Variants in CEP192 observed in about 807,000 individuals in gnomAD.
CEP192 encodes centrosomal protein 192, also known as centrosomal protein of 192 kDa.
In CEP192, 151 loss-of-function variants were observed where a neutral mutation model predicts 271.8. The ratio of observed to expected loss-of-function variants is 0.56; its 90% CI spans 0.49 to 0.64. The LOEUF (loss-of-function observed/expected upper bound fraction) is 0.64. Among genes scored for constraint, CEP192 ranks in the 30% least tolerant of loss-of-function variants. The pLI is 0.00. For synonymous variants in CEP192, 995 were observed against 1,076.5 expected, an observed-to-expected ratio of 0.92 and a Z score of 1.48; for missense variants, 2,910 against 3,020.5, an observed-to-expected ratio of 0.96 and a Z score of 0.86.
Position 13,068,992 on chromosome 18 carries a change from G to A in CEP192, c.4962+1G>A, listed in dbSNP as rs368116939. ...GATCCATGCTCCCAGGGACTTGCAGGTAGCCTCAGTCCTCCTTTCTGCCGT... is the reference window on the plus strand; with the variant it reads ...GATCCATGCTCCCAGGGACTTGCAGATAGCCTCAGTCCTCCTTTCTGCCGT... On this transcript the variant is annotated splice_donor_variant, in intron 25 of 44. Coordinates refer to ENST00000506447, the MANE Select transcript of CEP192 (RefSeq NM_032142.4). LOFTEE classifies it high-confidence loss of function. 1.2e-6 allele frequency: 2 copies of A among 1,614,046 alleles called. No individual in the cohort carries two copies. The highest frequency in any genetic ancestry group is 1.7e-6 in the Non-Finnish European group (2 of 1,180,032).
intron 44 of CEP192, among the ~76,000 whole-genome samples, chr18:13,124,156 G>A (rs566714467): frequency 1.3e-3 from 189 of 150,744 alleles, no homozygotes; most frequent in African/African-American, 4.3e-3. Context: ...GTGAAACTCC[G>A]TCTCAAAAAA....
At chr18:13,082,442 T>C (rs2038665292) in intron 30 of CEP192, among the ~76,000 whole-genome samples, 1 of 143,186 alleles carries the variant, frequency 7.0e-6, no homozygotes, top group African/African-American at 2.6e-5. Flanking sequence ...CTTTTTTTTT[T>C]TTTTTTTTTT....
intron 17 of CEP192, among the ~76,000 whole-genome samples, chr18:13,051,036 T>G (rs957830477): frequency 2.0e-5 from 3 of 152,250 alleles, no homozygotes; most frequent in Non-Finnish European, 2.9e-5. Context: ...TATGGAAGAC[T>G]AGAGGGATAT....
In CEP192 at chr18:13,038,526, G is replaced by C. The variant is rs757543000; in HGVS notation, c.1756G>C (p.Ala586Pro). ...ACGTCTGTCTTTAGGAGAGTTCTTTGCTCAAAGATCTGAAGCTCTTGGTTG... is the reference window on the plus strand; with the variant it reads ...ACGTCTGTCTTTAGGAGAGTTCTTTCCTCAAAGATCTGAAGCTCTTGGTTG... ...YLRLSLGEFF[A>P]QRSEALGCLG... The change falls in exon 13 of 45, where the codon GCT becomes CCT. Residue 586 changes from alanine (A) to proline (P), a missense_variant. Transcript: ENST00000506447. 1 of 1,551,646 alleles carries C rather than the reference G, an allele frequency of 6.4e-7. No homozygotes were observed. Among genetic ancestry groups the C allele is most frequent in the South Asian group, 1.2e-5 (1 of 84,058 alleles).
chr18:13,063,593 G>GC (rs2037524572), intron 21 of CEP192, among the ~76,000 whole-genome samples: 1 of 152,178 alleles, frequency 6.6e-6, no homozygotes, highest in East Asian at 1.9e-4. Context: ...AGTTGTTTGA[G>GC]CCCCTTATAT....
rs1233268375 is a variant in CEP192 at position 13,042,788 on chromosome 18, A to G, written c.2067+454A>G. On this transcript the variant is annotated intron_variant, in intron 15 of 44. Transcript: ENST00000506447. The stretch of plus-strand genomic sequence containing the variant: ...ATGAGTATAATATAAACTTATTTTT[A>G]TTACTGTATGGTATTCTGTTATATG... 2.6e-5 allele frequency among the ~76,000 whole-genome samples: 4 copies of G among 152,162 alleles called. No individual in the cohort carries two copies. In the East Asian group the frequency reaches 5.8e-4, roughly 22 times the overall value.
intron 21 of CEP192, among the ~76,000 whole-genome samples, chr18:13,066,944 A>G (rs371893992): frequency 6.7e-6 from 1 of 148,978 alleles, no homozygotes; most frequent in African/African-American, 2.5e-5. Flanking sequence ...GGCTAGAGCA[A>G]AACAAAATGT....
chr18:13,049,996 A>T, intron 17 of CEP192, 105 bp downstream of exon 17: 1 of 923,600 alleles, frequency 1.1e-6, no homozygotes, highest in East Asian at 2.6e-5. Flanking sequence ...TCGTCTCTCA[A>T]AGGTAACTCT....
chr18:13,113,189 T>A (rs970374403), intron 40 of CEP192, among the ~76,000 whole-genome samples: 3 of 152,170 alleles, frequency 2.0e-5, no homozygotes, highest in Admixed American at 1.3e-4. Context: ...TCCTGGCCGC[T>A]GTGAGGCCCT....
In CEP192 at chr18:13,084,339, C is replaced by G. The variant is rs528855838; in HGVS notation, c.5617-2678C>G. Among the ~76,000 whole-genome samples, 20 of 152,276 alleles carry G rather than the reference C, an allele frequency of 1.3e-4. No homozygotes were observed. The South Asian group carries it at 3.9e-3, about 30-fold the overall frequency. On this transcript the variant is annotated intron_variant, in intron 30 of 44. Coordinates refer to ENST00000506447, the MANE Select transcript of CEP192 (RefSeq NM_032142.4). Reference sequence around the variant, plus strand: ...TCAAGCCTCAGCAATGGTGGATGCCCCTCCCCCCGTCAGGCTACTGCCTTA... The same window carrying G: ...TCAAGCCTCAGCAATGGTGGATGCCGCTCCCCCCGTCAGGCTACTGCCTTA...
rs558352302 is a variant in CEP192 at position 13,098,247 on chromosome 18, G to A, written c.6558-1229G>A. 7.6e-5 allele frequency among the ~76,000 whole-genome samples: 11 copies of A among 144,058 alleles called. No homozygotes were observed. The South Asian group carries it at 9.1e-4, about 12-fold the overall frequency. The allele number at this position is 144,058 out of a possible 152,430, so 94.5% of individuals were successfully genotyped here. On this transcript the variant is annotated intron_variant, in intron 36 of 44. Coordinates refer to ENST00000506447, the MANE Select transcript of CEP192 (RefSeq NM_032142.4). Reference sequence around the variant, plus strand: ...CGGGCAGAGGCACCCCTCACCTCCCGGACGGGACGGCTGGCCAGGCGGGGG... The same window carrying A: ...CGGGCAGAGGCACCCCTCACCTCCCAGACGGGACGGCTGGCCAGGCGGGGG...
intron 8 of CEP192, 43 bp downstream of exon 8, chr18:13,018,658 T>C (rs1044446264): frequency 7.4e-7 from 1 of 1,349,274 alleles, no homozygotes; most frequent in Non-Finnish European, 9.9e-7. Context: ...AGTTCTAGTT[T>C]TGACTTTACT....
rs766311820 is a variant in CEP192, at chr18:13,018,598, TTTG to T, written c.910_912del (p.Cys304del). ...AAAGAGTCTGAGGAAAGCCAAGTTA[TTTG>T]TCTACCTGGGACTAGTAAGTATAGA... On this transcript the variant is annotated inframe_deletion, in exon 8 of 45. Coordinates refer to ENST00000506447, the MANE Select transcript of CEP192 (RefSeq NM_032142.4). The T allele has an allele frequency of 5.2e-6, 8 of 1,536,600 alleles. No homozygotes were observed. In the Middle Eastern group the frequency reaches 5.0e-4, roughly 97 times the overall value.
chr18:13,028,914 TATC>T (rs1305653232), intron 9 of CEP192, among the ~76,000 whole-genome samples: 30 of 152,354 alleles, frequency 2.0e-4, no homozygotes, highest in Admixed American at 1.8e-3. Context: ...ATTCGAAAGT[TATC>T]ATTTATTTAG....
At chr18:13,036,737 G>A (rs1160601422) in intron 11 of CEP192, among the ~76,000 whole-genome samples, 1 of 152,224 alleles carries the variant, frequency 6.6e-6, no homozygotes, top group South Asian at 2.1e-4. Context: ...CCCAGGGAGG[G>A]CTGAGGTGCT....
rs564730388 is a variant in CEP192 at position 13,105,338 on chromosome 18, G to T, written c.7047+259G>T. Among the ~76,000 whole-genome samples, 4 of 152,344 alleles carry T rather than the reference G, an allele frequency of 2.6e-5. No individual in the cohort carries two copies. In the East Asian group the frequency reaches 7.7e-4, roughly 29 times the overall value. On this transcript the variant is annotated intron_variant, in intron 40 of 44. Transcript: ENST00000506447. Reference sequence around the variant, plus strand: ...GTGCTTACAGTCATACTGCACTGATGGAGACGAGAGTTTTGTCTATCAGCT... The same window carrying T: ...GTGCTTACAGTCATACTGCACTGATTGAGACGAGAGTTTTGTCTATCAGCT...
chr18:13,030,326 C>T lies in CEP192; in HGVS notation c.1391-139C>T, dbSNP rs2035544615. The stretch of plus-strand genomic sequence containing the variant: ...CTTTTCTTTTGGGGAAATGGGTTTT[C>T]CTTTTTCTAACTAGCTTTGGCAAAC... On this transcript the variant is annotated intron_variant, in intron 10 of 44. Transcript: ENST00000506447. 4.1e-6 allele frequency: 3 copies of T among 729,348 alleles called. No individual in the cohort carries two copies. In the East Asian group the frequency reaches 8.4e-5, roughly 20 times the overall value. The allele number at this position is 729,348 out of a possible 1,614,324, so 45.2% of individuals were successfully genotyped here.
In CEP192 at chr18:13,110,949, C is replaced by A. The variant is rs138544947; in HGVS notation, c.7048-2637C>A. On this transcript the variant is annotated intron_variant, in intron 40 of 44. Coordinates refer to ENST00000506447, the MANE Select transcript of CEP192 (RefSeq NM_032142.4). ...ACCTTCTTCCACCTGCCTCTTCTAG[C>A]CTGCTGGCAGCTGATTGGATGTGCT... 1.0e-3 allele frequency among the ~76,000 whole-genome samples: 159 copies of A among 152,332 alleles called. No homozygotes were observed. The Middle Eastern group carries it at 0.014, about 13-fold the overall frequency.
At chr18:13,112,455 A>C (rs752974852) in intron 40 of CEP192, among the ~76,000 whole-genome samples, 1 of 152,242 alleles carries the variant, frequency 6.6e-6, no homozygotes, top group Non-Finnish European at 1.5e-5. Context: ...CCTGCTTTCC[A>C]GGGGATTAGC....
Sources: gnomAD v4.1 joint callset for allele counts (sites outside exome capture counted in the v4.1 genomes callset) on GRCh38, gnomAD v4.1.1 for gene constraint, MANE v1.5 for transcripts, NCBI Gene and HGNC (gene_info 2026-07-23, HGNC 2026-07-21) for gene names.